Variants in CNNM2 observed in about 807,000 individuals in gnomAD.
CNNM2 encodes metal transporter CNNM2.
In CNNM2, 12 loss-of-function variants were observed where a neutral mutation model predicts 66.9. That is an observed-to-expected ratio of 0.18 (90% CI 0.11 to 0.29). The LOEUF is 0.29. CNNM2 is among the 10% of genes least tolerant of loss of function. The pLI is 1.00. For missense variants in CNNM2, 705 were observed against 1,167.7 expected, an observed-to-expected ratio of 0.60 and a Z score of 5.77; for synonymous variants, 557 against 501.8, an observed-to-expected ratio of 1.11 and a Z score of -1.47.
chr10:103,049,083 T>C (rs2065175509), intron 1 of CNNM2, among the ~76,000 whole-genome samples: 1 of 152,152 alleles, frequency 6.6e-6, no homozygotes, highest in African/African-American at 2.4e-5. Context: ...TGGGCTCAAG[T>C]GGTCTTCCCG....
At chr10:102,981,341 C>G (rs993831908) in intron 1 of CNNM2, among the ~76,000 whole-genome samples, 1 of 151,596 alleles carries the variant, frequency 6.6e-6, no homozygotes, top group African/African-American at 2.4e-5. Context: ...CAGAGCGAGA[C>G]CAGTCTCAAA....
chr10:103,068,388 A>G, intron 4 of CNNM2: 1 of 427,100 alleles, frequency 2.3e-6, no homozygotes, highest in South Asian at 4.2e-5. Flanking sequence ...TTTAAGAATT[A>G]TTTTAAAAAT....
At chr10:102,984,255 G>A (rs531526364) in intron 1 of CNNM2, among the ~76,000 whole-genome samples, 4 of 152,280 alleles carry the variant, frequency 2.6e-5, no homozygotes, top group Admixed American at 2.6e-4. Context: ...ATTGTCCCCT[G>A]ATGGATGTGT....
intron 1 of CNNM2, among the ~76,000 whole-genome samples, chr10:103,014,756 G>T (rs1336365071): frequency 6.6e-6 from 1 of 152,130 alleles, no homozygotes; most frequent in Non-Finnish European, 1.5e-5. Context: ...GCTGGGTGCA[G>T]TGGCTCATGC....
At chr10:102,983,125 T>A (rs2134232575) in intron 1 of CNNM2, among the ~76,000 whole-genome samples, 1 of 152,090 alleles carries the variant, frequency 6.6e-6, no homozygotes. Flanking sequence ...GAAATTGTGA[T>A]AGAACTAGAA....
At chr10:103,043,126 C>T (rs1371569677) in intron 1 of CNNM2, among the ~76,000 whole-genome samples, 1 of 152,158 alleles carries the variant, frequency 6.6e-6, no homozygotes, top group Admixed American at 6.5e-5. Context: ...TGGAGTTGTG[C>T]AACGCAGATG....
chr10:103,076,343 G>C, intron 7 of CNNM2, 73 bp downstream of exon 7: 2 of 1,456,940 alleles, frequency 1.4e-6, no homozygotes, highest in Non-Finnish European at 9.4e-7. Context: ...TGTCTGTTTT[G>C]CTCCTTGCCC....
In CNNM2 at chr10:103,082,327, G is replaced by A. The variant is rs1367365206; in HGVS notation, c.*5147G>A. The A allele has an allele frequency of 6.6e-6, 1 of 152,228 alleles. No homozygotes were observed. Among genetic ancestry groups the A allele is most frequent in the Non-Finnish European group, 1.5e-5 (1 of 68,082 alleles). 9.4% of individuals were successfully genotyped at this position (152,228 alleles called of 1,614,324 possible). ...AAGAGAACTATCCAATGGGCCTGGT[G>A]GGGCTTGGGTGCCTGCCTTTTTTGT... On this transcript the variant is annotated 3_prime_UTR_variant, in exon 8 of 8. Transcript: ENST00000369878.
chr10:103,007,068 C>T (rs1385156040), intron 1 of CNNM2, among the ~76,000 whole-genome samples: 1 of 152,102 alleles, frequency 6.6e-6, no homozygotes, highest in East Asian at 1.9e-4. Context: ...AAATAGAGTA[C>T]AAATAGAGGA....
At chr10:102,952,141 A>G (rs1305599350) in intron 1 of CNNM2, among the ~76,000 whole-genome samples, 2 of 151,902 alleles carry the variant, frequency 1.3e-5, no homozygotes, top group Admixed American at 6.5e-5. Flanking sequence ...AGTCTTTGCT[A>G]TAATGTCCAG....
At chr10:102,969,216 A>G (rs2063512632) in intron 1 of CNNM2, among the ~76,000 whole-genome samples, 1 of 149,882 alleles carries the variant, frequency 6.7e-6, no homozygotes. Flanking sequence ...CACTGCGCCT[A>G]GTAGTGCTTT....
intron 1 of CNNM2, among the ~76,000 whole-genome samples, chr10:103,004,511 G>C (rs1202760681): frequency 2.6e-5 from 4 of 152,174 alleles, no homozygotes; most frequent in Non-Finnish European, 5.9e-5. Context: ...GTGCACATCA[G>C]TTTCCTGGGA....
Position 102,918,687 on chromosome 10 carries a change from T to C in CNNM2, c.207T>C (p.Asn69=). 2 of 1,555,914 alleles carry C rather than the reference T, an allele frequency of 1.3e-6. No individual in the cohort carries two copies. The highest frequency in any genetic ancestry group is 1.7e-6 in the Non-Finnish European group (2 of 1,150,458). ...GAGGCAAVGE[N]EETVIIGLRL... is the part of the protein sequence containing the mutation. ...GCGGCTGCGCAGCGGTGGGCGAGAA[T>C]GAGGAGACGGTGATCATCGGGCTGC... Residue 69 remains asparagine (N), a synonymous_variant, in exon 1 of 8, where the codon AAT becomes AAC. Transcript: ENST00000369878. This position sits in a 1 kb window ranked among gnomAD's most constrained non-coding sequence, Gnocchi z 4.1.
In CNNM2 at chr10:103,087,665, A is replaced by C. The variant is rs146972260; in HGVS notation, c.*10485A>C. On this transcript the variant is annotated 3_prime_UTR_variant, in exon 8 of 8. Coordinates refer to ENST00000369878, the MANE Select transcript of CNNM2 (RefSeq NM_017649.5). ...TTTGGGTTTAAGAAAACTTAAGACT[A>C]TGTTAAACTGGACAACATCTCCATC... is the stretch of plus-strand genomic sequence containing the variant. The C allele has an allele frequency of 7.7e-4, 118 of 152,358 alleles. 1 individual carries two copies. Among genetic ancestry groups the C allele is most frequent in the African/African-American group, 2.8e-3 (115 of 41,588 alleles). 9.4% of individuals were successfully genotyped at this position (152,358 alleles called of 1,614,324 possible).
At chr10:102,994,787 A>G (rs1200069313) in intron 1 of CNNM2, among the ~76,000 whole-genome samples, 1 of 152,232 alleles carries the variant, frequency 6.6e-6, no homozygotes, top group Non-Finnish European at 1.5e-5. Context: ...AGAACAATCA[A>G]ATGCCTTGGC....
chr10:103,031,905 A>G (rs534681763), intron 1 of CNNM2, among the ~76,000 whole-genome samples: 106 of 152,344 alleles, frequency 7.0e-4, no homozygotes, highest in Admixed American at 5.9e-3. Context: ...TAACTGCAGA[A>G]TAAGTTTCAA....
At chr10:103,061,585 A>C (rs1399269776) in intron 4 of CNNM2, among the ~76,000 whole-genome samples, 2 of 152,172 alleles carry the variant, frequency 1.3e-5, no homozygotes, top group African/African-American at 2.4e-5. Context: ...AAAAATAGTC[A>C]ATCTTCAAAA....
chr10:102,970,407 A>G (rs558039855), intron 1 of CNNM2, among the ~76,000 whole-genome samples: 1 of 152,336 alleles, frequency 6.6e-6, no homozygotes, highest in East Asian at 1.9e-4. Context: ...CTATTCATTT[A>G]TGTGTTACCC....
In CNNM2 at chr10:103,084,999, C is replaced by T. The variant is rs1334751648; in HGVS notation, c.*7819C>T. ...TTTGTCATTTTCCCTCCAAGGGCCT[C>T]ATATCTGTGCTCTTATTTTCAAGCA... On this transcript the variant is annotated 3_prime_UTR_variant, in exon 8 of 8. Coordinates refer to ENST00000369878, the MANE Select transcript of CNNM2 (RefSeq NM_017649.5). 2.0e-5 allele frequency: 3 copies of T among 152,136 alleles called. No individual in the cohort carries two copies. The highest frequency in any genetic ancestry group is 7.2e-5 in the African/African-American group (3 of 41,428). 9.4% of individuals were successfully genotyped at this position (152,136 alleles called of 1,614,324 possible). A position where few individuals can be genotyped will look rare whatever the true frequency, so the allele number is the denominator to read the frequency against.
Sources: allele counts gnomAD v4.1 joint callset (sites outside exome capture counted in the v4.1 genomes callset), GRCh38; gene constraint gnomAD v4.1.1; non-coding constraint Gnocchi (gnomAD v3.1); transcripts MANE v1.5; gene names NCBI Gene and HGNC (gene_info 2026-07-23, HGNC 2026-07-21).